DSCAML1: variants seen among roughly 807,000 people sequenced by gnomAD.
DSCAML1 encodes the protein cell adhesion molecule DSCAML1.
Under a neutral mutation model 200.5 loss-of-function variants are expected in DSCAML1, and 38 were observed. The ratio of observed to expected loss-of-function variants is 0.19; its 90% CI spans 0.15 to 0.25. The LOEUF (loss-of-function observed/expected upper bound fraction) is 0.25. Ranked by LOEUF, DSCAML1 falls within the 10% of genes least tolerant of loss-of-function variation. The pLI, the probability that DSCAML1 is intolerant of heterozygous loss-of-function variation, is 1.00. For synonymous variants in DSCAML1, 1,215 were observed against 1,165.0 expected (o/e 1.04, Z -0.87); for missense variants, 2,223 against 2,858.8 (o/e 0.78, Z 5.07).
At chr11:117,618,291 C>T (rs1388903479) in intron 3 of DSCAML1, among the ~76,000 whole-genome samples, 1 of 152,200 alleles carries the variant, frequency 6.6e-6, no homozygotes, top group Non-Finnish European at 1.5e-5. Flanking sequence ...AGCTCGCTAC[C>T]ATCTAAAGGC....
intron 3 of DSCAML1, among the ~76,000 whole-genome samples, chr11:117,557,047 T>G (rs749331557): frequency 5.3e-5 from 8 of 152,196 alleles, no homozygotes; most frequent in Non-Finnish European, 1.0e-4. Flanking sequence ...AGGATGCACG[T>G]TGGGCTAGAT....
intron 3 of DSCAML1, among the ~76,000 whole-genome samples, chr11:117,673,383 T>C (rs2053149306): frequency 2.0e-5 from 3 of 152,172 alleles, no homozygotes. Context: ...CAGAAGACAG[T>C]CAGCTCCCCA....
At chr11:117,764,460 A>C (rs543951371) in intron 3 of DSCAML1, among the ~76,000 whole-genome samples, 1 of 152,340 alleles carries the variant, frequency 6.6e-6, no homozygotes, top group South Asian at 2.1e-4. Flanking sequence ...CCTCAAGCAG[A>C]GACCCTTGGG....
At chr11:117,672,658 G>A (rs892812284) in intron 3 of DSCAML1, among the ~76,000 whole-genome samples, 7 of 152,150 alleles carry the variant, frequency 4.6e-5, no homozygotes, top group African/African-American at 1.2e-4. Flanking sequence ...TCCGCTGTTT[G>A]TCCAAGGTGT....
intron 3 of DSCAML1, among the ~76,000 whole-genome samples, chr11:117,638,682 T>C (rs2052340366): frequency 6.6e-6 from 1 of 152,222 alleles, no homozygotes; most frequent in Admixed American, 6.5e-5. Context: ...TCAAGGCACA[T>C]CCACGTCACA....
At chr11:117,658,507 G>A (rs2052777094) in intron 3 of DSCAML1, among the ~76,000 whole-genome samples, 1 of 152,152 alleles carries the variant, frequency 6.6e-6, no homozygotes, top group African/African-American at 2.4e-5. Context: ...CAGAGAGAGA[G>A]ACCTGAGATT....
rs1555172719 is a variant in DSCAML1 at position 117,467,193 on chromosome 11, A to ACACCCCCCC, written c.3025-2012_3025-2011insGGGGGGGTG. On this transcript the variant is annotated intron_variant, in intron 16 of 32. Transcript: ENST00000651296. ...CGCGCACGCATGCGCGTGCACACAC[A>ACACCCCCCC]CCTCCCCCCTCCCCCCGCCGCCAAT... is the stretch of plus-strand genomic sequence containing the variant. 2.7e-4 allele frequency among the ~76,000 whole-genome samples: 30 copies of ACACCCCCCC among 109,514 alleles called. 4 individuals carry two copies. Among genetic ancestry groups the ACACCCCCCC allele is most frequent in the African/African-American group, 8.9e-4 (20 of 22,562 alleles). The allele number at this position is 109,514 out of a possible 152,430, so 71.8% of individuals were successfully genotyped here.
At chr11:117,606,415 GCT>G (rs948858053) in intron 3 of DSCAML1, among the ~76,000 whole-genome samples, 2 of 152,188 alleles carry the variant, frequency 1.3e-5, no homozygotes, top group African/African-American at 4.8e-5. Context: ...CTTGTGAATA[GCT>G]CTGAGGGTTA....
chr11:117,573,994 G>C (rs570130808), intron 3 of DSCAML1, among the ~76,000 whole-genome samples: 1 of 152,172 alleles, frequency 6.6e-6, no homozygotes, highest in East Asian at 1.9e-4. Context: ...GCTCCCTCCA[G>C]CTCTACCATT....
At chr11:117,663,595 C>T (rs569865589) in intron 3 of DSCAML1, among the ~76,000 whole-genome samples, 1 of 152,142 alleles carries the variant, frequency 6.6e-6, no homozygotes, top group Non-Finnish European at 1.5e-5. Flanking sequence ...GAGGCTCTCT[C>T]TCACTGTGCC....
At chr11:117,661,600 A>C (rs2052854887) in intron 3 of DSCAML1, among the ~76,000 whole-genome samples, 1 of 152,210 alleles carries the variant, frequency 6.6e-6, no homozygotes, top group South Asian at 2.1e-4. Context: ...GCCACTGCTT[A>C]AATCGTCTTC....
At chr11:117,722,306 TA>T (rs34365570) in intron 3 of DSCAML1, among the ~76,000 whole-genome samples, 3,349 of 114,124 alleles carry the variant, frequency 0.029, 44 homozygotes, top group East Asian at 0.063. Context: ...ATGGGGGAGC[TA>T]AAAAAAAAAA....
intron 3 of DSCAML1, among the ~76,000 whole-genome samples, chr11:117,764,366 T>A (rs752884003): frequency 5.3e-5 from 8 of 152,252 alleles, no homozygotes; most frequent in Admixed American, 1.3e-4. Context: ...GCATGCTATT[T>A]ATACACATGC....
chr11:117,619,325 G>A (rs974621081), intron 3 of DSCAML1, among the ~76,000 whole-genome samples: 18 of 152,316 alleles, frequency 1.2e-4, no homozygotes, highest in Non-Finnish European at 2.2e-4. Context: ...TGGGGCACCC[G>A]ATGGGCACCC....
intron 18 of DSCAML1, among the ~76,000 whole-genome samples, chr11:117,459,574 A>AGGGCTGGGACACTCTTG (rs1217737957): frequency 3.9e-5 from 6 of 152,222 alleles, no homozygotes; most frequent in Non-Finnish European, 8.8e-5. Context: ...TTAGCCAGGA[A>AGGGCTGGGACACTCTTG]GGGCTGGGAC....
intron 29 of DSCAML1, 143 bp from the exon 30 acceptor site, chr11:117,432,647 C>CAAAAAAACA: frequency 1.1e-6 from 1 of 940,052 alleles, no homozygotes; most frequent in Non-Finnish European, 1.6e-6. Flanking sequence ...GACAGGGTCT[C>CAAAAAAACA]ACTCTGTTGC....
chr11:117,502,242 C>T (rs892285700), intron 11 of DSCAML1, among the ~76,000 whole-genome samples: 2 of 152,198 alleles, frequency 1.3e-5, no homozygotes, highest in African/African-American at 4.8e-5. Context: ...TGTCCTCCGG[C>T]ACCCGCGACC....
At chr11:117,491,853 TA>T (rs2049188798) in intron 11 of DSCAML1, among the ~76,000 whole-genome samples, 1 of 151,970 alleles carries the variant, frequency 6.6e-6, no homozygotes, top group Non-Finnish European at 1.5e-5. Context: ...GGCCCAAGAA[TA>T]GGGGTGCCAA....
intron 3 of DSCAML1, among the ~76,000 whole-genome samples, chr11:117,683,402 T>C (rs572642323): frequency 1.3e-5 from 2 of 152,366 alleles, no homozygotes; most frequent in East Asian, 1.9e-4. Context: ...TGTAAAGTGA[T>C]CTGCTAGTCT....
Sources: allele counts gnomAD v4.1 joint callset (sites outside exome capture counted in the v4.1 genomes callset), GRCh38; gene constraint gnomAD v4.1.1; transcripts MANE v1.5; gene names NCBI Gene and HGNC (gene_info 2026-07-23, HGNC 2026-07-21).